Variants in KCNC2 observed in about 807,000 individuals in gnomAD.
KCNC2 encodes the protein voltage-gated potassium channel KCNC2.
KCNC2 carries 21 observed loss-of-function variants against 44.5 expected under a neutral mutation model. The observed-to-expected ratio is 0.47, with a 90% confidence interval of 0.33 to 0.68. The LOEUF (loss-of-function observed/expected upper bound fraction) is 0.68, where lower values mean the gene tolerates loss of function less well. Ranked by LOEUF, KCNC2 falls within the 30% of genes least tolerant of loss-of-function variation. The pLI is 0.01. For synonymous variants in KCNC2, 391 were observed against 339.1 expected, an observed-to-expected ratio of 1.15 and a Z score of -1.68; for missense variants, 589 against 826.2, an observed-to-expected ratio of 0.71 and a Z score of 3.52.
chr12:75,066,477 A>G (rs1882842561), intron 2 of KCNC2, among the ~76,000 whole-genome samples: 1 of 152,294 alleles, frequency 6.6e-6, no homozygotes, highest in African/African-American at 2.4e-5. Flanking sequence ...ATTTGCTTTT[A>G]AAAATAAAAG....
intron 2 of KCNC2, among the ~76,000 whole-genome samples, chr12:75,175,000 T>C (rs1273980851): frequency 6.6e-6 from 1 of 151,896 alleles, no homozygotes; most frequent in East Asian, 1.9e-4. Flanking sequence ...AGAGAAACTG[T>C]AGTGTCCAGA....
At chr12:75,187,339 A>T (rs1003901705) in intron 2 of KCNC2, among the ~76,000 whole-genome samples, 1 of 152,232 alleles carries the variant, frequency 6.6e-6, no homozygotes, top group African/African-American at 2.4e-5. Context: ...TGATATTGCC[A>T]TTATTTAAAA....
chr12:75,179,268 T>A (rs1378236248), intron 2 of KCNC2, among the ~76,000 whole-genome samples: 1 of 151,976 alleles, frequency 6.6e-6, no homozygotes, highest in African/African-American at 2.4e-5. Flanking sequence ...GGGCGAAATT[T>A]TTTTTAACTG....
intron 2 of KCNC2, among the ~76,000 whole-genome samples, chr12:75,070,212 A>G (rs1250819941): frequency 3.9e-5 from 6 of 152,012 alleles, no homozygotes; most frequent in Non-Finnish European, 7.4e-5. Context: ...TTTTTTGGGA[A>G]GCCGAGGCAG....
intron 2 of KCNC2, among the ~76,000 whole-genome samples, chr12:75,165,957 A>G (rs1891420706): frequency 6.6e-6 from 1 of 151,488 alleles, no homozygotes; most frequent in South Asian, 2.1e-4. Flanking sequence ...CACTCCAACC[A>G]AAAGACAGAG....
In KCNC2 at chr12:75,042,480, T is replaced by A; in HGVS notation, c.*625A>T. 3 of 1,459,404 alleles carry A rather than the reference T, an allele frequency of 2.1e-6. No homozygotes were observed. Among genetic ancestry groups the A allele is most frequent in the South Asian group, 2.8e-5 (2 of 70,690 alleles). The allele number at this position is 1,459,404 out of a possible 1,614,324, so 90.4% of individuals were successfully genotyped here. A position where few individuals can be genotyped will look rare whatever the true frequency, so the allele number is the denominator to read the frequency against. On this transcript the variant is annotated 3_prime_UTR_variant, in exon 5 of 5. Coordinates refer to ENST00000549446, the MANE Select transcript of KCNC2 (RefSeq NM_139137.4). ...ATTTAAAACATATATTTCTTTCAAA[T>A]AATAAGAAAAAAATGTCAAGGAGAA...
At chr12:75,073,273 T>C (rs539967032) in intron 2 of KCNC2, among the ~76,000 whole-genome samples, 1 of 152,288 alleles carries the variant, frequency 6.6e-6, no homozygotes, top group African/African-American at 2.4e-5. Flanking sequence ...TAAAATAAAC[T>C]TAATTCTCAA....
At chr12:75,066,657 T>G (rs1014327054) in intron 2 of KCNC2, among the ~76,000 whole-genome samples, 3 of 152,196 alleles carry the variant, frequency 2.0e-5, no homozygotes, top group African/African-American at 2.4e-5. Context: ...ATTTAAATAC[T>G]AATTTCAAGA....
intron 2 of KCNC2, among the ~76,000 whole-genome samples, chr12:75,158,423 G>GA (rs143171657): frequency 6.6e-6 from 1 of 151,694 alleles, no homozygotes; most frequent in Non-Finnish European, 1.5e-5. Flanking sequence ...ACACTTGAGA[G>GA]AAAAAAGAAA....
chr12:75,093,168 C>T (rs1885633340), intron 2 of KCNC2, among the ~76,000 whole-genome samples: 1 of 151,274 alleles, frequency 6.6e-6, no homozygotes, highest in Non-Finnish European at 1.5e-5. Flanking sequence ...TTCTGGCAAC[C>T]ATAAACATAA....
chr12:75,168,435 T>C (rs1380021584), intron 2 of KCNC2, among the ~76,000 whole-genome samples: 3 of 151,486 alleles, frequency 2.0e-5, no homozygotes, highest in African/African-American at 7.3e-5. Flanking sequence ...AAAGTAGGGC[T>C]GCCAGGCTGC....
At chr12:75,048,049 AGT>A in intron 4 of KCNC2, 102 bp downstream of exon 4, 1 of 994,432 alleles carries the variant, frequency 1.0e-6, no homozygotes, top group Non-Finnish European at 1.6e-6. Context: ...CACTGTACGC[AGT>A]CTTTCCTAGA....
chr12:75,184,133 A>G (rs908437485), intron 2 of KCNC2, among the ~76,000 whole-genome samples: 1 of 152,100 alleles, frequency 6.6e-6, no homozygotes, highest in Non-Finnish European at 1.5e-5. Flanking sequence ...TAGACTGCCT[A>G]TTATAACACT....
intron 2 of KCNC2, among the ~76,000 whole-genome samples, chr12:75,179,404 A>C (rs1358394059): frequency 6.6e-6 from 1 of 151,928 alleles, no homozygotes; most frequent in Non-Finnish European, 1.5e-5. Context: ...AGTATGCCTT[A>C]AATCAGTTAA....
At chr12:75,067,803 A>G (rs1302639770) in intron 2 of KCNC2, among the ~76,000 whole-genome samples, 1 of 152,010 alleles carries the variant, frequency 6.6e-6, no homozygotes, top group Admixed American at 6.6e-5. Context: ...CTGTTTTCAT[A>G]ATATATTATT....
intron 2 of KCNC2, among the ~76,000 whole-genome samples, chr12:75,073,217 G>A (rs1368845241): frequency 2.6e-5 from 4 of 151,966 alleles, no homozygotes; most frequent in Admixed American, 6.6e-5. Flanking sequence ...TTATCATGCC[G>A]GAATAACAAT....
chr12:75,147,371 C>T (rs185810197), intron 2 of KCNC2, among the ~76,000 whole-genome samples: 193 of 152,134 alleles, frequency 1.3e-3, no homozygotes, highest in Admixed American at 2.1e-3. Flanking sequence ...AACCAGACAA[C>T]GTTTTCTTAA....
chr12:75,043,122 T>C lies in KCNC2; in HGVS notation c.1900A>G (p.Ile634Val). 6.2e-7 allele frequency: 1 copy of C among 1,612,216 alleles called. No individual in the cohort carries two copies. The highest frequency in any genetic ancestry group is 8.5e-7 in the Non-Finnish European group (1 of 1,178,832). ...PCPLRRSRSP[I>V]PSIL ...TGTTTGGTTTACAAGATAGATGGGA[T>C]GGGAGATCGAGAGCGCCTCAGAGGA... Residue 634 changes from isoleucine to valine, a missense_variant, in exon 5 of 5, where the codon ATC (isoleucine) becomes GTC (valine). Ile to Val is a conservative substitution (Grantham distance 29, BLOSUM62 3). This residue lies in a region of KCNC2 where 171 missense variants were observed against 182.4 expected (regional missense o/e 0.94). Transcript: ENST00000549446.
At chr12:75,075,836 T>C (rs984972056) in intron 2 of KCNC2, among the ~76,000 whole-genome samples, 4 of 152,132 alleles carry the variant, frequency 2.6e-5, no homozygotes, top group Non-Finnish European at 5.9e-5. Flanking sequence ...ATGCCTCCTT[T>C]AGAATGGACC....
Sources: gnomAD v4.1 joint callset for allele counts (sites outside exome capture counted in the v4.1 genomes callset) on GRCh38, gnomAD v4.1.1 for gene constraint, gnomAD v4.1.1 regional missense constraint, MANE v1.5 for transcripts, NCBI Gene and HGNC (gene_info 2026-07-23, HGNC 2026-07-21) for gene names.